Variants in CYTH3 observed in about 807,000 individuals in gnomAD.
CYTH3 encodes the protein cytohesin 3.
A neutral mutation model predicts 55.1 loss-of-function variants in CYTH3; 23 were observed. The ratio of observed to expected loss-of-function variants is 0.42; its 90% CI spans 0.30 to 0.59. CYTH3 has a LOEUF of 0.59. CYTH3 is among the 20% of genes least tolerant of loss of function. The pLI is 0.20. For synonymous variants in CYTH3, 249 were observed against 194.9 expected, an observed-to-expected ratio of 1.28 and a Z score of -2.31; for missense variants, 413 against 524.8, an observed-to-expected ratio of 0.79 and a Z score of 2.08.
chr7:6,251,531 A>G (rs1021013296), intron 1 of CYTH3, among the ~76,000 whole-genome samples: 4 of 152,186 alleles, frequency 2.6e-5, no homozygotes, highest in African/African-American at 9.7e-5. Context: ...CGGCGCAGAC[A>G]GAGCAGCAAT....
chr7:6,168,716 C>A (rs1783084693), intron 9 of CYTH3, among the ~76,000 whole-genome samples: 2 of 152,198 alleles, frequency 1.3e-5, no homozygotes, highest in African/African-American at 4.8e-5. Context: ...TGTTTATCTG[C>A]CCAACCAGAA....
At chr7:6,202,409 C>G (rs1384175011) in intron 1 of CYTH3, among the ~76,000 whole-genome samples, 1 of 152,000 alleles carries the variant, frequency 6.6e-6, no homozygotes, top group African/African-American at 2.4e-5. Flanking sequence ...GCACGTGAAC[C>G]GCCAGCCAAC....
At position 6,164,677 on chromosome 7, in the gene CYTH3, T is replaced by C. The variant is rs1782934107; in HGVS notation, c.*267A>G. 3 of 526,132 alleles carry C rather than the reference T, an allele frequency of 5.7e-6. No homozygotes were observed. The highest frequency in any genetic ancestry group is 1.0e-5 in the Non-Finnish European group (3 of 294,602). The allele number at this position is 526,132 out of a possible 1,614,324, so 32.6% of individuals were successfully genotyped here. On this transcript the variant is annotated 3_prime_UTR_variant, in exon 13 of 13. Transcript: ENST00000350796. ...GCTTCTGGACATGCGCAGCCGACCA[T>C]GACCCCAGCCACGGCAGGAGGCCTC... is the stretch of plus-strand genomic sequence containing the variant.
chr7:6,176,626 T>G (rs994207251), intron 5 of CYTH3, among the ~76,000 whole-genome samples: 1 of 152,242 alleles, frequency 6.6e-6, no homozygotes, highest in African/African-American at 2.4e-5. Context: ...CTAATAGTTT[T>G]TAATGATTCC....
At chr7:6,223,503 C>T (rs1779144995) in intron 1 of CYTH3, among the ~76,000 whole-genome samples, 1 of 152,170 alleles carries the variant, frequency 6.6e-6, no homozygotes, top group African/African-American at 2.4e-5. Flanking sequence ...AATTATTCTG[C>T]CTTGGGATGC....
In CYTH3 at chr7:6,167,040, C is replaced by T. The variant is rs1783029953; in HGVS notation, c.824-1230G>A. Among the ~76,000 whole-genome samples the T allele has an allele frequency of 6.6e-6, 1 of 152,308 alleles. No individual in the cohort carries two copies. Among genetic ancestry groups the T allele is most frequent in the South Asian group, 2.1e-4 (1 of 4,830 alleles). On this transcript the variant is annotated intron_variant, in intron 9 of 12. Transcript: ENST00000350796. The surrounding 1 kb of genome is among the most constrained non-coding windows in gnomAD (Gnocchi z 5.5). ...CTCTCCTGAGCCCTGGCGGGGCTTCCACTCCCCGAACCCCTGCAAGCTGCT... is the reference window on the plus strand; with the variant it reads ...CTCTCCTGAGCCCTGGCGGGGCTTCTACTCCCCGAACCCCTGCAAGCTGCT...
intron 1 of CYTH3, among the ~76,000 whole-genome samples, chr7:6,234,433 C>T (rs1779466333): frequency 6.6e-6 from 1 of 152,230 alleles, no homozygotes; most frequent in South Asian, 2.1e-4. Flanking sequence ...GCCCTCATTC[C>T]TTCCCAATAG....
At chr7:6,227,774 C>T (rs896148998) in intron 1 of CYTH3, among the ~76,000 whole-genome samples, 2 of 152,200 alleles carry the variant, frequency 1.3e-5, no homozygotes, top group African/African-American at 2.4e-5. Context: ...CAGGCCAATA[C>T]GATATCTCAT....
intron 1 of CYTH3, among the ~76,000 whole-genome samples, chr7:6,268,098 C>T (rs1416462881): frequency 2.6e-5 from 4 of 152,080 alleles, no homozygotes; most frequent in African/African-American, 9.7e-5. Context: ...CATGCATCAG[C>T]CATTACCTCC....
chr7:6,195,949 A>C (rs1783913966), intron 1 of CYTH3, among the ~76,000 whole-genome samples: 1 of 152,220 alleles, frequency 6.6e-6, no homozygotes, highest in African/African-American at 2.4e-5. Flanking sequence ...AAGTCATGCA[A>C]CATGCTATTG....
At chr7:6,236,970 G>A (rs1779539855) in intron 1 of CYTH3, among the ~76,000 whole-genome samples, 1 of 152,180 alleles carries the variant, frequency 6.6e-6, no homozygotes. Flanking sequence ...GACTCTCATG[G>A]TCAGTAGGCC....
intron 1 of CYTH3, among the ~76,000 whole-genome samples, chr7:6,265,271 A>G (rs957915161): frequency 1.3e-5 from 2 of 151,914 alleles, no homozygotes; most frequent in Non-Finnish European, 2.9e-5. Flanking sequence ...GACAGAGATC[A>G]TATGTGGCCC....
Position 6,171,430 on chromosome 7 carries a change from T to C in CYTH3, c.450-116A>G. The C allele has an allele frequency of 1.2e-6, 1 of 845,778 alleles. No homozygotes were observed. The highest frequency in any genetic ancestry group is 2.6e-5 in the East Asian group (1 of 38,020). The allele number at this position is 845,778 out of a possible 1,614,324, so 52.4% of individuals were successfully genotyped here. A position where few individuals can be genotyped will look rare whatever the true frequency, so the allele number is the denominator to read the frequency against. ...TTTCCTCCCGAGCCTGGGGTACAGC[T>C]CTGGCAGGGGCTTGGGGGCGCAGAG... On this transcript the variant is annotated intron_variant, in intron 6 of 12. Transcript: ENST00000350796. This position sits in a 1 kb window ranked among gnomAD's most constrained non-coding sequence, Gnocchi z 6.7.
chr7:6,248,922 C>T (rs1779892675), intron 1 of CYTH3, among the ~76,000 whole-genome samples: 3 of 152,188 alleles, frequency 2.0e-5, no homozygotes, highest in African/African-American at 4.8e-5. Context: ...AGCCTAGTGC[C>T]CAAGTCACAT....
chr7:6,259,370 C>T (rs995924569), intron 1 of CYTH3, among the ~76,000 whole-genome samples: 2 of 152,082 alleles, frequency 1.3e-5, no homozygotes, highest in East Asian at 1.9e-4. Context: ...TTTATTCTCT[C>T]CTATTTGAAC....
chr7:6,252,105 T>C (rs7794980), intron 1 of CYTH3, among the ~76,000 whole-genome samples: 12,632 of 152,134 alleles, frequency 0.083, 1,765 homozygotes, highest in African/African-American at 0.29. Flanking sequence ...CTGAAACAGA[T>C]AGGCAAATGT....
intron 2 of CYTH3, chr7:6,188,781 C>T (rs1381456643): frequency 1.3e-5 from 2 of 152,290 alleles, no homozygotes; most frequent in South Asian, 2.1e-4. Flanking sequence ...GATTACGATT[C>T]CACATTTATC....
rs1783148371 is a variant in CYTH3, at chr7:6,170,521, G to A, written c.823+14C>T. On this transcript the variant is annotated intron_variant, in intron 9 of 12. Transcript: ENST00000350796. This position sits in a 1 kb window ranked among gnomAD's most constrained non-coding sequence, Gnocchi z 7.8. ...GAGGGGTCACGCCCGGGTCCCGCTG[G>A]GCCGGCGGCTCACCCAGCTTCAGGA... The A allele has an allele frequency of 6.2e-7, 1 of 1,612,724 alleles. No homozygotes were observed. Among genetic ancestry groups the A allele is most frequent in the East Asian group, 2.2e-5 (1 of 44,872 alleles).
intron 6 of CYTH3, chr7:6,172,847 C>A: frequency 7.8e-7 from 1 of 1,277,434 alleles, no homozygotes. Flanking sequence ...CAGCCCCAGG[C>A]TGCGCTGTGA....
Sources: gnomAD v4.1 joint callset for allele counts (sites outside exome capture counted in the v4.1 genomes callset) on GRCh38, gnomAD v4.1.1 for gene constraint, Gnocchi (gnomAD v3.1) non-coding constraint, MANE v1.5 for transcripts, NCBI Gene and HGNC (gene_info 2026-07-23, HGNC 2026-07-21) for gene names.